Variants in SRFBP1 observed in about 807,000 individuals in gnomAD.
SRFBP1 encodes the protein serum response factor-binding protein 1.
In SRFBP1, 47 loss-of-function variants were observed where a neutral mutation model predicts 45.5. The observed-to-expected ratio is 1.03, with a 90% confidence interval of 0.82 to 1.32. The LOEUF (loss-of-function observed/expected upper bound fraction) is 1.32, where lower values mean the gene tolerates loss of function less well. SRFBP1 is among the 40% of genes most tolerant of loss of function. The pLI is 0.00. For synonymous variants in SRFBP1, 203 were observed against 166.3 expected, an observed-to-expected ratio of 1.22 and a Z score of -1.70; for missense variants, 621 against 484.6, an observed-to-expected ratio of 1.28 and a Z score of -2.64.
downstream of SRFBP1, among the ~76,000 whole-genome samples, chr5:122,031,410 T>C (rs1753586664): frequency 6.6e-6 from 1 of 151,804 alleles, no homozygotes; most frequent in African/African-American, 2.4e-5. Flanking sequence ...CAATAGAAAT[T>C]CCCTGAGGAA....
At chr5:121,964,888 A>G (rs1752030600) in intron 1 of SRFBP1, among the ~76,000 whole-genome samples, 1 of 152,126 alleles carries the variant, frequency 6.6e-6, no homozygotes, top group South Asian at 2.1e-4. Context: ...CGCCATTCTA[A>G]CTGGCATGAG....
At position 121,973,110 on chromosome 5, in the gene SRFBP1, A is replaced by AT. The variant is rs536026121; in HGVS notation, c.37-1080dup. ...TATTTTGGCAAGAAGAATTTGAGGA[A>AT]TTTTTTGTGCCAGGCACTCTTGCAG... On this transcript the variant is annotated intron_variant, in intron 1 of 7. Transcript: ENST00000339397. Among the ~76,000 whole-genome samples the AT allele has an allele frequency of 2.2e-4, 33 of 151,946 alleles. 1 individual carries two copies. The South Asian group carries it at 6.8e-3, about 31-fold the overall frequency.
In SRFBP1 at chr5:122,019,300, C is replaced by T; in HGVS notation, c.311C>T (p.Ala104Val). The T allele has an allele frequency of 1.2e-6, 2 of 1,612,530 alleles. No individual in the cohort carries two copies. The highest frequency in any genetic ancestry group is 1.7e-6 in the Non-Finnish European group (2 of 1,179,158). ...ACTGAAAGAGCAATTGCCAGACTAG[C>T]AGTACATCCTCTTCTGAAGAAAAAG... ...TATERAIARL[A>V]VHPLLKKKID... Residue 104 changes from alanine (A) to valine (V), a missense_variant, in exon 5 of 8, where the codon GCA becomes GTA. By Grantham distance (64) the Ala-to-Val change is moderately conservative (BLOSUM62 0). Transcript: ENST00000339397.
At chr5:122,065,073 G>C (rs575796396) in intron 2 of SRFBP1, 1 of 152,038 alleles carries the variant, frequency 6.6e-6, no homozygotes, top group African/African-American at 2.4e-5. Context: ...CATCAAAGAA[G>C]CTATTCCATA....
chr5:122,067,513 A>C (rs1754331116), intron 2 of SRFBP1, among the ~76,000 whole-genome samples: 1 of 152,050 alleles, frequency 6.6e-6, no homozygotes, highest in Non-Finnish European at 1.5e-5. Context: ...GATACATGAT[A>C]TGTCTTCAGA....
At chr5:122,036,776 C>A (rs953186145) in intron 2 of SRFBP1, among the ~76,000 whole-genome samples, 2 of 152,124 alleles carry the variant, frequency 1.3e-5, no homozygotes, top group African/African-American at 4.8e-5. Context: ...GCCCCTGCCC[C>A]TGTTTTGTCC....
chr5:122,024,716 A>C (rs578247790), intron 7 of SRFBP1, among the ~76,000 whole-genome samples: 2 of 152,364 alleles, frequency 1.3e-5, no homozygotes, highest in South Asian at 4.1e-4. Context: ...AGTATGCCCC[A>C]TTTATACCAT....
chr5:122,020,942 TG>T, intron 6 of SRFBP1, 140 bp downstream of exon 6: 2 of 706,166 alleles, frequency 2.8e-6, no homozygotes, highest in Non-Finnish European at 4.4e-6. Flanking sequence ...TCTCCAAGGT[TG>T]TAGTGGGGTA....
chr5:122,070,653 G>T, intron 2 of SRFBP1: 1 of 784,904 alleles, frequency 1.3e-6, no homozygotes, highest in Non-Finnish European at 2.1e-6. Flanking sequence ...TAAATAATAT[G>T]CTATTATTTG....
At chr5:121,995,770 A>T (rs1752712455) in intron 4 of SRFBP1, among the ~76,000 whole-genome samples, 1 of 151,848 alleles carries the variant, frequency 6.6e-6, no homozygotes, top group Non-Finnish European at 1.5e-5. Context: ...CGCTAGCAAG[A>T]CTAATAAAGA....
rs576531237 is a variant in SRFBP1, at chr5:121,975,814, A to G, written c.198+427A>G. 6.6e-5 allele frequency among the ~76,000 whole-genome samples: 10 copies of G among 151,920 alleles called. No homozygotes were observed. The East Asian group carries it at 1.9e-3, about 29-fold the overall frequency. ...TAAATTTTTATGTATTGGTATCGGC[A>G]TTTTATTCAGTTCTGTAGTAACTTC... On this transcript the variant is annotated intron_variant, in intron 3 of 7. Coordinates refer to ENST00000339397, the MANE Select transcript of SRFBP1 (RefSeq NM_152546.3).
At chr5:121,995,683 A>G (rs951167555) in intron 4 of SRFBP1, among the ~76,000 whole-genome samples, 8 of 152,170 alleles carry the variant, frequency 5.3e-5, no homozygotes, top group African/African-American at 1.7e-4. Context: ...TCAAGGAAAT[A>G]GAGACACAAA....
downstream of SRFBP1, chr5:122,078,204 C>T: frequency 2.2e-6 from 1 of 445,184 alleles, no homozygotes; most frequent in Non-Finnish European, 3.8e-6. Context: ...TCCCCTTTCT[C>T]AGTCCTGGAA....
exon 3 of SRFBP1, chr5:122,075,356 G>A (rs1754585703): frequency 6.6e-7 from 1 of 1,515,820 alleles, no homozygotes; most frequent in Non-Finnish European, 8.9e-7. Flanking sequence ...AAAATCACCT[G>A]AGAAATGAAA....
chr5:122,053,250 T>C (rs1357009679), intron 2 of SRFBP1, among the ~76,000 whole-genome samples: 1 of 152,130 alleles, frequency 6.6e-6, no homozygotes, highest in Non-Finnish European at 1.5e-5. Context: ...TGTCTGGCTT[T>C]AGGAGGCAGG....
At chr5:122,047,333 G>T (rs973787401) in intron 2 of SRFBP1, among the ~76,000 whole-genome samples, 1 of 152,112 alleles carries the variant, frequency 6.6e-6, no homozygotes, top group South Asian at 2.1e-4. Flanking sequence ...TTTTTGTCAG[G>T]TTTGTCAAAC....
chr5:121,999,734 T>C (rs982170652), intron 4 of SRFBP1, among the ~76,000 whole-genome samples: 2 of 152,150 alleles, frequency 1.3e-5, no homozygotes, highest in African/African-American at 4.8e-5. Context: ...GTCTATCTTG[T>C]CTGAAATTTA....
At chr5:121,999,240 C>T (rs929088911) in intron 4 of SRFBP1, among the ~76,000 whole-genome samples, 8 of 151,998 alleles carry the variant, frequency 5.3e-5, no homozygotes, top group African/African-American at 1.4e-4. Context: ...TGGTTTAATT[C>T]GAAATGTGTT....
At chr5:121,994,774 T>A in intron 4 of SRFBP1, 104 bp downstream of exon 4, 1 of 709,644 alleles carries the variant, frequency 1.4e-6, no homozygotes, top group Non-Finnish European at 2.2e-6. Context: ...GCTATTAGTT[T>A]GTAATTAGTT....
Sources: gnomAD v4.1 joint callset for allele counts (sites outside exome capture counted in the v4.1 genomes callset) on GRCh38, gnomAD v4.1.1 for gene constraint, MANE v1.5 for transcripts, NCBI Gene and HGNC (gene_info 2026-07-23, HGNC 2026-07-21) for gene names.